SERINC2: variants seen among roughly 807,000 people sequenced by gnomAD.
SERINC2 encodes serine incorporator 2, also known as tumor differentially expressed protein 2.
Under a neutral mutation model 54.2 loss-of-function variants are expected in SERINC2, and 56 were observed. That is an observed-to-expected ratio of 1.03 (90% CI 0.83 to 1.29). SERINC2 has a LOEUF of 1.29. SERINC2 is among the 50% of genes most tolerant of loss of function. SERINC2 has a pLI of 0.00. For missense variants in SERINC2, 614 were observed against 607.4 expected (o/e 1.01, Z -0.12); for synonymous variants, 272 against 253.1 (o/e 1.07, Z -0.71).
intron 1 of SERINC2, chr1:31,414,123 G>C: frequency 7.0e-7 from 1 of 1,437,222 alleles, no homozygotes; most frequent in Admixed American, 2.5e-5. Context: ...GGAATCGAGG[G>C]AGGTTCGGGT....
upstream of SERINC2, chr1:31,409,796 AAGGGATAGG>A (rs782078900): frequency 1.3e-6 from 2 of 1,550,522 alleles, no homozygotes; most frequent in Non-Finnish European, 1.7e-6. Context: ...AGCGAAGCCC[AAGGGATAGG>A]AGGGCTCAAA....
At position 31,432,300 on chromosome 1, in the gene SERINC2, C is replaced by CCTT. The variant is rs150058648; in HGVS notation, c.1014-666_1014-664dup. On this transcript the variant is annotated intron_variant, in intron 8 of 9. Coordinates refer to ENST00000373709, the MANE Select transcript of SERINC2 (RefSeq NM_178865.5). ...GGTGGCGGGGCTGGAATCCAGCTCT[C>CCTT]CTTTTCACTTTTGTTTGGAAACGTG... Among the ~76,000 whole-genome samples the CCTT allele has an allele frequency of 7.0e-3, 1,059 of 151,712 alleles. 72 individuals carry two copies. The East Asian group carries it at 0.16, about 23-fold the overall frequency.
intron 1 of SERINC2, among the ~76,000 whole-genome samples, chr1:31,415,552 G>A (rs1309411219): frequency 1.3e-5 from 2 of 152,236 alleles, no homozygotes; most frequent in Non-Finnish European, 2.9e-5. Flanking sequence ...ATGTGTATGT[G>A]TGTGTATATA....
chr1:31,423,606 C>G, intron 1 of SERINC2, 87 bp from the exon 2 acceptor site: 1 of 1,397,070 alleles, frequency 7.2e-7, no homozygotes, highest in Non-Finnish European at 9.7e-7. Flanking sequence ...TAGCGCAGCA[C>G]AGATGCGCCG....
chr1:31,414,915 C>A, intron 1 of SERINC2: 1 of 263,410 alleles, frequency 3.8e-6, no homozygotes, highest in Non-Finnish European at 5.9e-6. Context: ...GGAGATGAGG[C>A]ACAGTTCCTG....
rs1640701526 is a variant in SERINC2, at chr1:31,413,692, A to G, written c.39+388A>G. On this transcript the variant is annotated intron_variant, in intron 1 of 9. Transcript: ENST00000373709. This position sits in a 1 kb window ranked among gnomAD's most constrained non-coding sequence, Gnocchi z 5.0. Reference sequence around the variant, plus strand: ...GGGGTGGCCTCTGTCCCCGTCCCGGACGCCCTGGTTCTCTGTGTAGGTCGC... The same window carrying G: ...GGGGTGGCCTCTGTCCCCGTCCCGGGCGCCCTGGTTCTCTGTGTAGGTCGC... 9.0e-7 allele frequency: 1 copy of G among 1,114,666 alleles called. No homozygotes were observed. The allele number at this position is 1,114,666 out of a possible 1,614,324, so 69.0% of individuals were successfully genotyped here.
At position 31,413,345 on chromosome 1, in the gene SERINC2, T is replaced by C; in HGVS notation, c.39+41T>C. On this transcript the variant is annotated intron_variant, in intron 1 of 9. Coordinates refer to ENST00000373709, the MANE Select transcript of SERINC2 (RefSeq NM_178865.5). This position sits in a 1 kb window ranked among gnomAD's most constrained non-coding sequence, Gnocchi z 5.0. ...GGCGCCCGCCCGCGCGCGCCGCCCG[T>C]TCCTGCTGCGGGCCCTCACTTTCTT... 9.2e-7 allele frequency: 1 copy of C among 1,091,242 alleles called. No homozygotes were observed. Among genetic ancestry groups the C allele is most frequent in the Non-Finnish European group, 1.2e-6 (1 of 859,336 alleles). 67.6% of individuals were successfully genotyped at this position (1,091,242 alleles called of 1,614,324 possible). A position where few individuals can be genotyped will look rare whatever the true frequency, so the allele number is the denominator to read the frequency against.
Position 31,433,072 on chromosome 1 carries a change from G to A in SERINC2, c.1119G>A (p.Glu373=), listed in dbSNP as rs782224682. ...TQQQQQVAAC[E]GRAFDNEQDG... is the part of the protein sequence containing the mutation. ...AGCAGCAGCAGGTGGCAGCCTGTGA[G>A]GGCCGGGCCTTTGACAACGAGCAGG... The change falls in exon 9 of 10, where the codon GAG becomes GAA. Residue 373 remains glutamate, a synonymous_variant. Coordinates refer to ENST00000373709, the MANE Select transcript of SERINC2 (RefSeq NM_178865.5). 1.2e-6 allele frequency: 2 copies of A among 1,613,424 alleles called. No individual in the cohort carries two copies. The highest frequency in any genetic ancestry group is 1.7e-6 in the Non-Finnish European group (2 of 1,179,982).
intron 1 of SERINC2, among the ~76,000 whole-genome samples, chr1:31,422,486 T>C (rs1640927266): frequency 1.3e-5 from 2 of 151,928 alleles, no homozygotes; most frequent in Admixed American, 1.3e-4. Flanking sequence ...TAAAAGTCAC[T>C]TCTTCAAGGA....
upstream of SERINC2, chr1:31,410,323 C>T: frequency 1.9e-6 from 3 of 1,544,882 alleles, no homozygotes; most frequent in Admixed American, 2.0e-5. Context: ...CATGTCCTCA[C>T]TTCATCTCCT....
At chr1:31,431,840 A>ATAGGATGGT (rs1641232353) in intron 8 of SERINC2, among the ~76,000 whole-genome samples, 5 of 134,196 alleles carry the variant, frequency 3.7e-5, no homozygotes, top group African/African-American at 9.0e-5. Context: ...GATAGGGTGG[A>ATAGGATGGT]TAGGGTGGAT....
chr1:31,429,442 C>T lies in SERINC2; in HGVS notation c.917C>T (p.Thr306Ile). 7 of 1,613,912 alleles carry T rather than the reference C, an allele frequency of 4.3e-6. No homozygotes were observed. The highest frequency in any genetic ancestry group is 5.9e-6 in the Non-Finnish European group (7 of 1,179,912). Residue 306 changes from threonine (T) to isoleucine (I), a missense_variant, in exon 8 of 10, where the codon ACA becomes ATA. By Grantham distance (89) the Thr-to-Ile change is moderately conservative (BLOSUM62 -1). Transcript: ENST00000373709. ...TTGCCAACCCAGCTGGGCAACGAGA[C>T]AGTTGTGGCAGGCCCCGAGGGCTAT... ...PHLPTQLGNE[T>I]VVAGPEGYET...
rs117437542 is a variant in SERINC2 at position 31,432,528 on chromosome 1, T to G, written c.1014-439T>G. On this transcript the variant is annotated intron_variant, in intron 8 of 9. Transcript: ENST00000373709. ...ATCAATGGCAAATGAGCGTGATTAA[T>G]TATTAACATTCTTAATGGATGTAGT... is the stretch of plus-strand genomic sequence containing the variant. 3.7e-4 allele frequency among the ~76,000 whole-genome samples: 56 copies of G among 152,238 alleles called. No homozygotes were observed. In the East Asian group the frequency reaches 8.5e-3, roughly 23 times the overall value.
intron 1 of SERINC2, among the ~76,000 whole-genome samples, chr1:31,419,301 T>A (rs10798850): frequency 0.47 from 71,537 of 152,088 alleles, 17,282 homozygotes; most frequent in East Asian, 0.66. Flanking sequence ...CATTTAGGTT[T>A]TTTGTAGTTT....
At chr1:31,414,826 G>C in intron 1 of SERINC2, 6 of 971,558 alleles carry the variant, frequency 6.2e-6, no homozygotes, top group Non-Finnish European at 7.3e-6. Context: ...GATGTTGAGG[G>C]GCAGCCTGCC....
At position 31,413,682 on chromosome 1, in the gene SERINC2, C is replaced by T. The variant is rs1270864356; in HGVS notation, c.39+378C>T. 3.2e-5 allele frequency: 33 copies of T among 1,044,168 alleles called. No homozygotes were observed. The Admixed American group carries it at 1.4e-3, about 44-fold the overall frequency. The allele number at this position is 1,044,168 out of a possible 1,614,324, so 64.7% of individuals were successfully genotyped here. ...GGCGGTCCTCGGGGTGGCCTCTGTC[C>T]CCGTCCCGGACGCCCTGGTTCTCTG... On this transcript the variant is annotated intron_variant, in intron 1 of 9. Transcript: ENST00000373709. This position sits in a 1 kb window ranked among gnomAD's most constrained non-coding sequence, Gnocchi z 5.0.
chr1:31,431,857 GA>G, intron 8 of SERINC2, among the ~76,000 whole-genome samples: 3 of 149,292 alleles, frequency 2.0e-5, no homozygotes, highest in South Asian at 2.1e-4. Context: ...GGATAGGGTG[GA>G]TAGGGTGGAT....
rs1401664174 is a variant in SERINC2, at chr1:31,434,532, G to A, written c.*333G>A. ...CGGGAGCGGGGCTGCTGGAGAGAGC[G>A]GGGAACTCCCACCACAGTGGGGCAT... On this transcript the variant is annotated 3_prime_UTR_variant, in exon 10 of 10. Coordinates refer to ENST00000373709, the MANE Select transcript of SERINC2 (RefSeq NM_178865.5). The A allele has an allele frequency of 1.6e-5, 5 of 320,728 alleles. No homozygotes were observed. Among genetic ancestry groups the A allele is most frequent in the Admixed American group, 4.6e-5 (1 of 21,822 alleles). The allele number at this position is 320,728 out of a possible 1,614,324, so 19.9% of individuals were successfully genotyped here.
chr1:31,417,970 C>G (rs1390240978), intron 1 of SERINC2, among the ~76,000 whole-genome samples: 4 of 145,274 alleles, frequency 2.8e-5, no homozygotes, highest in Non-Finnish European at 4.5e-5. Flanking sequence ...AATTCTCTTG[C>G]CTCAGCCTCC....
Sources: gnomAD v4.1 joint callset for allele counts (sites outside exome capture counted in the v4.1 genomes callset) on GRCh38, gnomAD v4.1.1 for gene constraint, Gnocchi (gnomAD v3.1) non-coding constraint, MANE v1.5 for transcripts, NCBI Gene and HGNC (gene_info 2026-07-23, HGNC 2026-07-21) for gene names.